The following FNDC3B variants were observed in gnomAD, a reference collection of about 807,000 sequenced individuals.
FNDC3B encodes fibronectin type III domain-containing protein 3B.
A neutral mutation model predicts 151.5 loss-of-function variants in FNDC3B; 12 were observed. That is an observed-to-expected ratio of 0.08 (90% CI 0.05 to 0.13). The LOEUF is 0.13. Among genes scored for constraint, FNDC3B ranks in the 10% least tolerant of loss-of-function variants. The probability of loss-of-function intolerance (pLI) is 1.00; values close to 1 mark genes in which losing one functional copy is unlikely to be tolerated. For synonymous variants in FNDC3B, 528 were observed against 549.0 expected (o/e 0.96, Z 0.54); for missense variants, 1,214 against 1,505.3 (o/e 0.81, Z 3.20).
chr3:172,307,291 G>T, intron 9 of FNDC3B, 72 bp from the exon 10 acceptor site: 2 of 1,510,326 alleles, frequency 1.3e-6, no homozygotes, highest in South Asian at 1.1e-5. Flanking sequence ...AAGCCTTAGG[G>T]TGAAACAAAG....
chr3:172,258,494 G>A (rs925995553), intron 6 of FNDC3B, among the ~76,000 whole-genome samples: 3 of 152,090 alleles, frequency 2.0e-5, no homozygotes, highest in Non-Finnish European at 4.4e-5. Context: ...TTCCCCCAAA[G>A]CAGCAAGAAA....
At chr3:172,061,910 T>C (rs1389737435) in intron 1 of FNDC3B, among the ~76,000 whole-genome samples, 2 of 152,192 alleles carry the variant, frequency 1.3e-5, no homozygotes, top group Non-Finnish European at 2.9e-5. Flanking sequence ...CATTAACCTT[T>C]CAGTTCCACA....
At chr3:172,332,445 A>G (rs1732731247) in intron 13 of FNDC3B, among the ~76,000 whole-genome samples, 1 of 152,088 alleles carries the variant, frequency 6.6e-6, no homozygotes, top group African/African-American at 2.4e-5. Flanking sequence ...GCTTTTCTGT[A>G]TTGTCTTCTC....
In FNDC3B at chr3:172,251,522, G is replaced by A. The variant is rs34553291; in HGVS notation, c.771G>A (p.Ser257=). Residue 257 remains serine (S), a synonymous_variant, in exon 6 of 26, where the codon TCG becomes TCA. Transcript: ENST00000415807. Reference sequence around the variant, plus strand: ...GACGAGCAAGAAGCAGCCCAAAGTCGAATGATTCAGACTTGCAAGGTAATA... The same window carrying A: ...GACGAGCAAGAAGCAGCCCAAAGTCAAATGATTCAGACTTGCAAGGTAATA... The part of the protein sequence containing the change: ...TERRARSSPK[S]NDSDLQEYEL... The A allele has an allele frequency of 3.2e-5, 52 of 1,612,590 alleles. No individual in the cohort carries two copies. In the African/African-American group the frequency reaches 5.2e-4, roughly 16 times the overall value.
At chr3:172,173,835 G>A (rs754821183) in intron 3 of FNDC3B, among the ~76,000 whole-genome samples, 6 of 151,446 alleles carry the variant, frequency 4.0e-5, no homozygotes, top group Admixed American at 6.6e-5. Context: ...GGGGTGGGGC[G>A]CGGGGTGGGA....
At chr3:172,172,966 G>A (rs960952142) in intron 3 of FNDC3B, among the ~76,000 whole-genome samples, 3 of 152,082 alleles carry the variant, frequency 2.0e-5, no homozygotes, top group African/African-American at 7.2e-5. Flanking sequence ...TATTAATTGG[G>A]CACTTATATT....
intron 3 of FNDC3B, among the ~76,000 whole-genome samples, chr3:172,173,081 C>T (rs1723361501): frequency 6.6e-6 from 1 of 151,756 alleles, no homozygotes. Flanking sequence ...AAGGGAATTT[C>T]CCTTTCCCCT....
At chr3:172,340,354 C>T (rs552728628) in intron 16 of FNDC3B, among the ~76,000 whole-genome samples, 3 of 150,814 alleles carry the variant, frequency 2.0e-5, no homozygotes, top group East Asian at 3.9e-4. Flanking sequence ...GGCGCAATCT[C>T]GGCTCACTGC....
chr3:172,076,965 A>G (rs917569032), intron 1 of FNDC3B, among the ~76,000 whole-genome samples: 1 of 152,204 alleles, frequency 6.6e-6, no homozygotes, highest in African/African-American at 2.4e-5. Context: ...AAAATAAACA[A>G]AAGATATGGT....
At chr3:172,047,119 A>G (rs1236207203) in intron 1 of FNDC3B, among the ~76,000 whole-genome samples, 2 of 152,222 alleles carry the variant, frequency 1.3e-5, no homozygotes, top group African/African-American at 2.4e-5. Flanking sequence ...CTAGTCATAA[A>G]AACTTACTTA....
intron 2 of FNDC3B, among the ~76,000 whole-genome samples, chr3:172,132,866 T>A (rs879353741): frequency 5.3e-5 from 8 of 152,364 alleles, no homozygotes; most frequent in African/African-American, 1.4e-4. Context: ...GGAAGTTGTC[T>A]AATATTAAAT....
chr3:172,295,579 T>C, intron 8 of FNDC3B, 65 bp downstream of exon 8: 1 of 1,528,278 alleles, frequency 6.5e-7, no homozygotes, highest in Non-Finnish European at 8.9e-7. Context: ...TGAAGGAAAA[T>C]GGAAAACAAA....
At chr3:172,266,410 A>G (rs1728927550) in intron 6 of FNDC3B, among the ~76,000 whole-genome samples, 2 of 152,152 alleles carry the variant, frequency 1.3e-5, no homozygotes, top group Middle Eastern at 3.2e-3. Flanking sequence ...CTGGGTTCAC[A>G]GCATTCTGCC....
At chr3:172,077,289 T>A (rs1718061017) in intron 1 of FNDC3B, among the ~76,000 whole-genome samples, 1 of 152,222 alleles carries the variant, frequency 6.6e-6, no homozygotes, top group South Asian at 2.1e-4. Flanking sequence ...CTTCTGTTGT[T>A]TGAAAATTTA....
At chr3:172,209,264 G>A (rs577378186) in intron 3 of FNDC3B, among the ~76,000 whole-genome samples, 8 of 152,290 alleles carry the variant, frequency 5.3e-5, no homozygotes, top group Admixed American at 3.3e-4. Flanking sequence ...CAGAGGGCGG[G>A]AGGGCTGTAG....
At chr3:172,117,496 T>C (rs911055058) in intron 2 of FNDC3B, among the ~76,000 whole-genome samples, 1 of 152,242 alleles carries the variant, frequency 6.6e-6, no homozygotes, top group Non-Finnish European at 1.5e-5. Context: ...TTTTTATTGA[T>C]TTAATATTTT....
chr3:172,250,034 A>G (rs1727988327), intron 5 of FNDC3B, among the ~76,000 whole-genome samples: 2 of 152,190 alleles, frequency 1.3e-5, no homozygotes, highest in Admixed American at 6.5e-5. Flanking sequence ...TTGTCACTCC[A>G]TAGAAGAGGT....
intron 4 of FNDC3B, among the ~76,000 whole-genome samples, chr3:172,239,061 T>A (rs540513788): frequency 6.6e-6 from 1 of 152,314 alleles, no homozygotes; most frequent in South Asian, 2.1e-4. Context: ...TTATTTTTTT[T>A]TTTTTATTTT....
At chr3:172,312,805 A>T (rs1731585117) in intron 11 of FNDC3B, among the ~76,000 whole-genome samples, 1 of 152,172 alleles carries the variant, frequency 6.6e-6, no homozygotes, top group Non-Finnish European at 1.5e-5. Context: ...AGGAAATGGT[A>T]ACTCAGTTAC....
Sources: gnomAD v4.1 joint callset for allele counts (sites outside exome capture counted in the v4.1 genomes callset) on GRCh38, gnomAD v4.1.1 for gene constraint, MANE v1.5 for transcripts, NCBI Gene and HGNC (gene_info 2026-07-23, HGNC 2026-07-21) for gene names.